Variants in FBXW8 observed in about 807,000 individuals in gnomAD.
The protein encoded by FBXW8 is F-box and WD repeat domain containing 8.
Under a neutral mutation model 65.3 loss-of-function variants are expected in FBXW8, and 57 were observed. The ratio of observed to expected loss-of-function variants is 0.87; its 90% CI spans 0.71 to 1.09. The LOEUF is 1.09. Ranked by LOEUF, FBXW8 falls within the 50% of genes least tolerant of loss-of-function variation. FBXW8 has a pLI of 0.00. For synonymous variants in FBXW8, 308 were observed against 330.2 expected (o/e 0.93, Z 0.73); for missense variants, 777 against 814.8 (o/e 0.95, Z 0.57).
At chr12:117,014,128 T>C (rs903952815) in intron 8 of FBXW8, among the ~76,000 whole-genome samples, 35 of 152,234 alleles carry the variant, frequency 2.3e-4, no homozygotes, top group Middle Eastern at 3.2e-3. Context: ...TTCCCAAACC[T>C]TTCTTTCTGT....
chr12:116,920,437 T>G (rs1880804151), intron 1 of FBXW8, among the ~76,000 whole-genome samples: 1 of 152,246 alleles, frequency 6.6e-6, no homozygotes, highest in South Asian at 2.1e-4. Flanking sequence ...TGTGCCCTTG[T>G]GTAACTTACA....
intron 4 of FBXW8, among the ~76,000 whole-genome samples, chr12:116,957,383 T>C (rs1000692801): frequency 1.3e-4 from 20 of 152,318 alleles, no homozygotes; most frequent in South Asian, 1.2e-3. Context: ...TTATCGACTG[T>C]ATACCATGCC....
chr12:116,959,832 C>T (rs1485344910), intron 4 of FBXW8, among the ~76,000 whole-genome samples: 1 of 152,202 alleles, frequency 6.6e-6, no homozygotes, highest in African/African-American at 2.4e-5. Context: ...GAGGTAAACT[C>T]AACCTTGCCA....
chr12:116,917,809 G>T (rs1362545796), intron 1 of FBXW8, among the ~76,000 whole-genome samples: 1 of 152,014 alleles, frequency 6.6e-6, no homozygotes, highest in Non-Finnish European at 1.5e-5. Flanking sequence ...TGGCTAAGAC[G>T]GTGAAACCCT....
intron 8 of FBXW8, among the ~76,000 whole-genome samples, chr12:117,023,782 G>A (rs1954157050): frequency 6.6e-6 from 1 of 152,212 alleles, no homozygotes; most frequent in Non-Finnish European, 1.5e-5. Context: ...CCTTTAACAG[G>A]TTATTTTACC....
chr12:117,012,299 A>T (rs923961568), intron 8 of FBXW8, among the ~76,000 whole-genome samples: 4 of 151,892 alleles, frequency 2.6e-5, no homozygotes, highest in Non-Finnish European at 4.4e-5. Flanking sequence ...ATTTTTTTTT[A>T]AAACGCTCTG....
intron 1 of FBXW8, among the ~76,000 whole-genome samples, chr12:116,921,584 T>G (rs535156625): frequency 6.6e-6 from 1 of 152,310 alleles, no homozygotes; most frequent in Non-Finnish European, 1.5e-5. Flanking sequence ...GACCATTTCT[T>G]ATATACTTGC....
chr12:116,939,520 A>C (rs1055578980), intron 2 of FBXW8, among the ~76,000 whole-genome samples: 5 of 152,200 alleles, frequency 3.3e-5, no homozygotes, highest in African/African-American at 1.2e-4. Flanking sequence ...GTGTTGTTCT[A>C]CTGAATATGC....
chr12:117,028,013 T>C lies in FBXW8; in HGVS notation c.1653-15T>C, dbSNP rs1309303209. Reference sequence around the variant, plus strand: ...AGGCAGCCCTGACCTGTCACCATCTTTGTGCTCTTTCTAGACACCGGGGGC... The same window carrying C: ...AGGCAGCCCTGACCTGTCACCATCTCTGTGCTCTTTCTAGACACCGGGGGC... On this transcript the variant is annotated splice_polypyrimidine_tract_variant and intron_variant, in intron 10 of 10. Transcript: ENST00000652555. This position sits in a 1 kb window ranked among gnomAD's most constrained non-coding sequence, Gnocchi z 4.1. The C allele has an allele frequency of 1.2e-6, 2 of 1,613,778 alleles. No individual in the cohort carries two copies. The highest frequency in any genetic ancestry group is 1.7e-6 in the Non-Finnish European group (2 of 1,180,018).
chr12:116,964,785 C>G lies in FBXW8; in HGVS notation c.766C>G (p.Pro256Ala), dbSNP rs747303532. 137 of 1,613,222 alleles carry G rather than the reference C, an allele frequency of 8.5e-5. No homozygotes were observed. The highest frequency in any genetic ancestry group is 1.1e-4 in the Non-Finnish European group (131 of 1,179,982). Residue 256 changes from proline (P) to alanine (A), a missense_variant, in exon 5 of 11, where the codon CCT (proline) becomes GCT (alanine). Transcript: ENST00000652555. ...FLESEDEEDE[P>A]GMQPNVSFVR... Reference sequence around the variant, plus strand: ...GGAATCAGAGGACGAGGAGGATGAGCCTGGAATGCAGCCAAATGTCTCCTT... The same window carrying G: ...GGAATCAGAGGACGAGGAGGATGAGGCTGGAATGCAGCCAAATGTCTCCTT...
chr12:116,988,382 A>G (rs988954152), intron 6 of FBXW8, among the ~76,000 whole-genome samples: 1 of 152,198 alleles, frequency 6.6e-6, no homozygotes, highest in Admixed American at 6.5e-5. Context: ...CCAGGGTGTT[A>G]TCAGATTTCT....
At chr12:116,918,692 A>G (rs1244021497) in intron 1 of FBXW8, among the ~76,000 whole-genome samples, 1 of 152,228 alleles carries the variant, frequency 6.6e-6, no homozygotes, top group Admixed American at 6.5e-5. Flanking sequence ...CAAATTGTTC[A>G]GACTCGAATC....
intron 8 of FBXW8, among the ~76,000 whole-genome samples, chr12:117,019,338 G>A (rs946660629): frequency 3.3e-5 from 5 of 152,206 alleles, no homozygotes; most frequent in African/African-American, 1.2e-4. Context: ...AGGTTCAGTG[G>A]CCAGTCCGAA....
intron 3 of FBXW8, among the ~76,000 whole-genome samples, chr12:116,946,468 T>C (rs951542274): frequency 1.3e-5 from 2 of 152,132 alleles, no homozygotes; most frequent in African/African-American, 4.8e-5. Flanking sequence ...GTCCTGTGCA[T>C]TGCAGGCTGT....
At chr12:116,962,867 C>T (rs969901228) in intron 4 of FBXW8, among the ~76,000 whole-genome samples, 7 of 152,054 alleles carry the variant, frequency 4.6e-5, no homozygotes, top group East Asian at 1.9e-4. Context: ...ACACTGAGCC[C>T]GGTATTTTGA....
At chr12:117,000,731 C>G (rs1230274315) in intron 7 of FBXW8, among the ~76,000 whole-genome samples, 2 of 152,166 alleles carry the variant, frequency 1.3e-5, no homozygotes, top group Non-Finnish European at 2.9e-5. Context: ...CCCATATTCT[C>G]CTGTGTAAAG....
intron 10 of FBXW8, 129 bp from the exon 11 acceptor site, chr12:117,027,899 C>T (rs1954272114): frequency 7.9e-7 from 1 of 1,262,104 alleles, no homozygotes; most frequent in Admixed American, 2.2e-5. Flanking sequence ...GCTGTGTGCC[C>T]AGAGAACGCG....
At chr12:116,915,640 CT>C (rs57687048) in intron 1 of FBXW8, among the ~76,000 whole-genome samples, 15 of 77,202 alleles carry the variant, frequency 1.9e-4, no homozygotes, top group African/African-American at 6.9e-4. Context: ...CACCTGACTA[CT>C]TTTTTTTTTT....
chr12:117,014,929 A>C (rs1953913247), intron 8 of FBXW8, among the ~76,000 whole-genome samples: 1 of 152,164 alleles, frequency 6.6e-6, no homozygotes, highest in South Asian at 2.1e-4. Context: ...TATCCCTTAC[A>C]GTTCTCTGGT....
Sources: gnomAD v4.1 joint callset for allele counts (sites outside exome capture counted in the v4.1 genomes callset) on GRCh38, gnomAD v4.1.1 for gene constraint, Gnocchi (gnomAD v3.1) non-coding constraint, MANE v1.5 for transcripts, NCBI Gene and HGNC (gene_info 2026-07-23, HGNC 2026-07-21) for gene names.